LRP1B: variants seen among roughly 807,000 people sequenced by gnomAD.
LRP1B encodes low-density lipoprotein receptor-related protein 1B.
LRP1B carries 217 observed loss-of-function variants against 556.6 expected under a neutral mutation model. That is an observed-to-expected ratio of 0.39 (90% CI 0.35 to 0.44). The LOEUF is 0.44. Among genes scored for constraint, LRP1B ranks in the 20% least tolerant of loss-of-function variants. The probability of loss-of-function intolerance (pLI) is 1.00; values close to 1 mark genes in which losing one functional copy is unlikely to be tolerated. For synonymous variants in LRP1B, 2,047 were observed against 1,865.8 expected, an observed-to-expected ratio of 1.10 and a Z score of -2.50; for missense variants, 5,053 against 5,620.8, an observed-to-expected ratio of 0.90 and a Z score of 3.23.
chr2:141,092,961 G>A (rs1700205525), intron 7 of LRP1B, among the ~76,000 whole-genome samples: 1 of 152,012 alleles, frequency 6.6e-6, no homozygotes, highest in African/African-American at 2.4e-5. Flanking sequence ...AGTATAGATA[G>A]TCTGTGTAAT....
intron 35 of LRP1B, among the ~76,000 whole-genome samples, chr2:140,748,835 T>TTATATACATGTATATAATATATAGC (rs1559094831): frequency 9.0e-6 from 1 of 111,242 alleles, no homozygotes; most frequent in African/African-American, 3.9e-5. Context: ...TATCATATAT[T>TTATATACATGTATATAATATATAGC]ATATACATGT....
At chr2:141,863,642 T>C (rs1698319855) in intron 1 of LRP1B, among the ~76,000 whole-genome samples, 1 of 152,194 alleles carries the variant, frequency 6.6e-6, no homozygotes, top group Non-Finnish European at 1.5e-5. Flanking sequence ...CAAATCACCA[T>C]AAAAACAGCA....
At chr2:140,646,410 T>A (rs1189333490) in intron 41 of LRP1B, among the ~76,000 whole-genome samples, 1 of 152,172 alleles carries the variant, frequency 6.6e-6, no homozygotes, top group East Asian at 1.9e-4. Flanking sequence ...ATCCTCCTAA[T>A]TTCATGTTGT....
At chr2:141,185,683 C>CAAAAAAAAAAAAAAAAAAA (rs148935362) in intron 7 of LRP1B, among the ~76,000 whole-genome samples, 41 of 74,236 alleles carry the variant, frequency 5.5e-4, no homozygotes, top group South Asian at 1.2e-3. Context: ...GAAAAACAAA[C>CAAAAAAAAAAAAAAAAAAA]AAACAAAAAA....
intron 62 of LRP1B, among the ~76,000 whole-genome samples, chr2:140,453,827 T>A (rs1221088977): frequency 6.6e-6 from 1 of 152,188 alleles, no homozygotes; most frequent in Non-Finnish European, 1.5e-5. Flanking sequence ...TTGGGGAACA[T>A]GTCATTTGTT....
At chr2:141,725,234 C>G (rs991680845) in intron 2 of LRP1B, among the ~76,000 whole-genome samples, 3 of 151,802 alleles carry the variant, frequency 2.0e-5, no homozygotes, top group Non-Finnish European at 4.4e-5. Context: ...TTCTATCTTA[C>G]CACATTTTTT....
At chr2:140,667,639 CCAGTACAT>C (rs1368627537) in intron 41 of LRP1B, among the ~76,000 whole-genome samples, 2 of 152,176 alleles carry the variant, frequency 1.3e-5, no homozygotes, top group Non-Finnish European at 2.9e-5. Context: ...CTTTTTCCCT[CCAGTACAT>C]AACACTTTTC....
At chr2:141,493,201 C>A (rs1281241269) in intron 2 of LRP1B, among the ~76,000 whole-genome samples, 1 of 152,112 alleles carries the variant, frequency 6.6e-6, no homozygotes, top group Non-Finnish European at 1.5e-5. Flanking sequence ...GAATTTAGAT[C>A]TCCTCTGTCT....
intron 21 of LRP1B, among the ~76,000 whole-genome samples, chr2:140,908,365 A>AT (rs1694317809): frequency 2.1e-5 from 3 of 141,002 alleles, no homozygotes; most frequent in African/African-American, 7.9e-5. Flanking sequence ...ATATTTATAT[A>AT]ATATATATAT....
chr2:141,741,108 T>C (rs545780097), intron 2 of LRP1B, among the ~76,000 whole-genome samples: 1 of 152,120 alleles, frequency 6.6e-6, no homozygotes, highest in Non-Finnish European at 1.5e-5. Context: ...CATTCTCTCT[T>C]TATGGCTGAA....
chr2:141,136,954 A>T (rs556218783), intron 7 of LRP1B, among the ~76,000 whole-genome samples: 179 of 152,076 alleles, frequency 1.2e-3, no homozygotes, highest in African/African-American at 3.7e-3. Flanking sequence ...TTTTCCCTCC[A>T]GCTGAAAGCA....
At chr2:140,384,100 A>G (rs920306264) in intron 67 of LRP1B, among the ~76,000 whole-genome samples, 1 of 152,172 alleles carries the variant, frequency 6.6e-6, no homozygotes, top group Non-Finnish European at 1.5e-5. Flanking sequence ...TTATAGCAGT[A>G]GGCTAACTTC....
intron 23 of LRP1B, chr2:140,899,008 A>G (rs1694027627): frequency 8.5e-6 from 3 of 353,606 alleles, no homozygotes; most frequent in South Asian, 5.0e-5. Flanking sequence ...TTCACAGAGC[A>G]TCTGCAGTGA....
chr2:142,065,140 C>T (rs988418557), intron 1 of LRP1B, among the ~76,000 whole-genome samples: 2 of 151,402 alleles, frequency 1.3e-5, no homozygotes, highest in African/African-American at 2.4e-5. Flanking sequence ...CCCTTTAAGC[C>T]GGTCATTGTA....
rs187368755 is a variant in LRP1B, at chr2:140,642,311, C to T, written c.6800-40672G>A. 4.6e-5 allele frequency among the ~76,000 whole-genome samples: 7 copies of T among 152,310 alleles called. No individual in the cohort carries two copies. In the East Asian group the frequency reaches 1.4e-3, roughly 29 times the overall value. ...GTTCAGCTCATTCCACCGCTACACG[C>T]CTATGCTTCATCCAGAAAACTTCGA... On this transcript the variant is annotated intron_variant, in intron 41 of 90. Transcript: ENST00000389484.
chr2:140,865,209 G>T (rs1236029173), intron 27 of LRP1B, among the ~76,000 whole-genome samples: 1 of 151,956 alleles, frequency 6.6e-6, no homozygotes, highest in African/African-American at 2.4e-5. Context: ...AACTTTGTGT[G>T]CATAATGAAT....
chr2:140,535,491 T>A (rs1005759560), intron 46 of LRP1B, among the ~76,000 whole-genome samples: 3 of 152,152 alleles, frequency 2.0e-5, no homozygotes, highest in African/African-American at 7.2e-5. Flanking sequence ...TGTCTGTGGA[T>A]CTCACAGATT....
At chr2:140,525,705 T>C (rs1282887668) in intron 49 of LRP1B, 139 bp downstream of exon 49, 4 of 706,890 alleles carry the variant, frequency 5.7e-6, no homozygotes, top group South Asian at 2.1e-5. Flanking sequence ...ACAGGTTAAT[T>C]ACATTTCAGT....
At chr2:140,908,391 T>A (rs867877365) in intron 21 of LRP1B, among the ~76,000 whole-genome samples, 10 of 123,544 alleles carry the variant, frequency 8.1e-5, no homozygotes, top group African/African-American at 2.4e-4. Flanking sequence ...TATATATATA[T>A]AAAAAGAAGG....
Sources: gnomAD v4.1 joint callset for allele counts (sites outside exome capture counted in the v4.1 genomes callset) on GRCh38, gnomAD v4.1.1 for gene constraint, MANE v1.5 for transcripts, NCBI Gene and HGNC (gene_info 2026-07-23, HGNC 2026-07-21) for gene names.